Variants in GPC4 observed in about 807,000 individuals in gnomAD.
GPC4 encodes the protein glypican-4.
GPC4 carries 10 observed loss-of-function variants against 35.0 expected under a neutral mutation model. That is an observed-to-expected ratio of 0.29 (90% CI 0.18 to 0.48). The LOEUF is 0.48. Ranked by LOEUF, GPC4 falls within the 20% of genes least tolerant of loss-of-function variation. The probability of loss-of-function intolerance (pLI) is 0.99; values close to 1 mark genes in which losing one functional copy is unlikely to be tolerated. For synonymous variants in GPC4, 167 were observed against 170.2 expected, an observed-to-expected ratio of 0.98 and a Z score of 0.15; for missense variants, 322 against 451.3, an observed-to-expected ratio of 0.71 and a Z score of 2.60.
chrX:133,352,154 G>A, intron 1 of GPC4, among the ~76,000 whole-genome samples: 1 of 112,135 alleles, frequency 8.9e-6, no homozygotes, highest in East Asian at 2.8e-4. Flanking sequence ...AAAGACAGGA[G>A]AGATGATGCT....
At chrX:133,409,161 A>G (rs1270099386) in intron 1 of GPC4, among the ~76,000 whole-genome samples, 4 of 106,612 alleles carry the variant, frequency 3.8e-5, no homozygotes, top group Admixed American at 1.0e-4. Context: ...TCTTGGAAAA[A>G]AAAAAAAAAA....
rs1222872039 is a variant in GPC4, at chrX:133,306,161, T to G, written c.878-7A>C. ...GCCACCATCAGCATAGCATCTAATA[T>G]GAGGTTTGGGGAAGAACAATACAGC... On this transcript the variant is annotated splice_region_variant and splice_polypyrimidine_tract_variant and intron_variant, in intron 4 of 8. Transcript: ENST00000370828. The G allele has an allele frequency of 3.3e-6, 4 of 1,210,978 alleles. No homozygotes were observed. The East Asian group carries it at 1.2e-4, about 36-fold the overall frequency.
intron 3 of GPC4, among the ~76,000 whole-genome samples, chrX:133,316,607 T>C (rs1254158034): frequency 2.7e-5 from 3 of 112,032 alleles, no homozygotes; most frequent in African/African-American, 9.7e-5. Context: ...TGGAGGGTAA[T>C]TTAGGATGCA....
intron 4 of GPC4, among the ~76,000 whole-genome samples, chrX:133,309,969 A>T (rs1369702184): frequency 8.9e-6 from 1 of 111,917 alleles, no homozygotes; most frequent in Non-Finnish European, 1.9e-5. Context: ...TGTGTGTAGA[A>T]GATTTTTTCA....
chrX:133,344,209 T>TGATTGAG (rs2068481084), intron 1 of GPC4, among the ~76,000 whole-genome samples: 1 of 10,208 alleles, frequency 9.8e-5, no homozygotes, highest in Non-Finnish European at 1.4e-4. Flanking sequence ...TTTTTTTTTT[T>TGATTGAG]TTTTTTTTTT....
rs368168666 is a variant in GPC4 at position 133,343,070 on chromosome X, G to A, written c.161-3729C>T. On this transcript the variant is annotated intron_variant, in intron 1 of 8. Transcript: ENST00000370828. ...CTGAACACGAGGACAACAGAATAAA[G>A]ATGGGACAGGTAGACAGCCACTGTG... Among the ~76,000 whole-genome samples the A allele has an allele frequency of 4.5e-5, 5 of 111,637 alleles. No homozygotes were observed. In the East Asian group the frequency reaches 1.4e-3, roughly 32 times the overall value.
intron 1 of GPC4, among the ~76,000 whole-genome samples, chrX:133,354,572 T>TTTATTTATTTATTTA (rs1235509852): frequency 1.1e-5 from 1 of 94,579 alleles, no homozygotes; most frequent in African/African-American, 4.0e-5. Context: ...TTATTTATTT[T>TTTATTTATTTATTTA]TTTTTTTGAG....
chrX:133,392,690 A>G (rs1320814446), intron 1 of GPC4, among the ~76,000 whole-genome samples: 1 of 108,640 alleles, frequency 9.2e-6, no homozygotes, highest in Non-Finnish European at 1.9e-5. Context: ...AAAGGAGAGC[A>G]TAATAATCAC....
At chrX:133,372,216 T>G (rs745839261) in intron 1 of GPC4, among the ~76,000 whole-genome samples, 1 of 73,524 alleles carries the variant, frequency 1.4e-5, no homozygotes, top group Non-Finnish European at 2.4e-5. Context: ...ACACAGCGAC[T>G]CCGTCTTTAA....
chrX:133,401,023 A>G (rs922636067), intron 1 of GPC4, among the ~76,000 whole-genome samples: 2 of 111,334 alleles, frequency 1.8e-5, no homozygotes, highest in African/African-American at 3.3e-5. Context: ...CCATGCTGCT[A>G]TCTGGCAGCA....
chrX:133,396,440 T>C (rs1033239011), intron 1 of GPC4, among the ~76,000 whole-genome samples: 2 of 112,174 alleles, frequency 1.8e-5, no homozygotes, highest in Admixed American at 9.5e-5. Flanking sequence ...CACTCATGCA[T>C]ATAACATGAT....
chrX:133,397,056 A>T (rs899605031), intron 1 of GPC4, among the ~76,000 whole-genome samples: 1 of 112,363 alleles, frequency 8.9e-6, no homozygotes, highest in African/African-American at 3.2e-5. Flanking sequence ...GAAGCAACCA[A>T]GAAAATCTCA....
At chrX:133,410,802 C>T (rs2068809488) in intron 1 of GPC4, among the ~76,000 whole-genome samples, 1 of 112,503 alleles carries the variant, frequency 8.9e-6, no homozygotes, top group South Asian at 3.6e-4. Context: ...GCTGCATAAG[C>T]CAGAACTTTA....
At chrX:133,379,939 G>A (rs2068653373) in intron 1 of GPC4, among the ~76,000 whole-genome samples, 1 of 111,225 alleles carries the variant, frequency 9.0e-6, no homozygotes, top group Non-Finnish European at 1.9e-5. Context: ...ACTGGACTTC[G>A]TTGACCTGGA....
intron 1 of GPC4, among the ~76,000 whole-genome samples, chrX:133,379,852 A>G (rs1027383333): frequency 1.3e-4 from 15 of 111,713 alleles, no homozygotes; most frequent in African/African-American, 4.2e-4. Flanking sequence ...CATATGTTCT[A>G]TTTTCCACCT....
chrX:133,412,739 G>A (rs2068818254), intron 1 of GPC4, among the ~76,000 whole-genome samples: 1 of 111,591 alleles, frequency 9.0e-6, no homozygotes, highest in Non-Finnish European at 1.9e-5. Flanking sequence ...TTCTGGGGAT[G>A]ATGACAATCA....
intron 3 of GPC4, among the ~76,000 whole-genome samples, chrX:133,311,720 A>G (rs185546040): frequency 1.8e-5 from 2 of 110,450 alleles, no homozygotes; most frequent in Non-Finnish European, 3.8e-5. Context: ...ACACACACAT[A>G]AATTGCTCAA....
chrX:133,303,789 T>C lies in GPC4; in HGVS notation c.1293-448A>G, dbSNP rs759072134. On this transcript the variant is annotated intron_variant, in intron 7 of 8. Transcript: ENST00000370828. ...ATCACTTGAACCCAGGAGGCGAAGG[T>C]TGCAGTGAGCCAAGGTTGCACCACT... is the stretch of plus-strand genomic sequence containing the variant. 1.2e-4 allele frequency among the ~76,000 whole-genome samples: 13 copies of C among 110,274 alleles called. No individual in the cohort carries two copies. The East Asian group carries it at 2.6e-3, about 22-fold the overall frequency.
intron 1 of GPC4, among the ~76,000 whole-genome samples, chrX:133,358,106 T>C (rs2068550176): frequency 8.9e-6 from 1 of 112,296 alleles, no homozygotes; most frequent in Non-Finnish European, 1.9e-5. Flanking sequence ...TGCTCTAGGA[T>C]TATGAGCTAC....
Sources: allele counts gnomAD v4.1 joint callset (sites outside exome capture counted in the v4.1 genomes callset), GRCh38; gene constraint gnomAD v4.1.1; transcripts MANE v1.5; gene names NCBI Gene and HGNC (gene_info 2026-07-23, HGNC 2026-07-21).